The following STRN variants were observed in gnomAD, a reference collection of about 807,000 sequenced individuals.
STRN encodes the protein protein phosphatase 2 regulatory subunit B'''alpha.
A neutral mutation model predicts 96.3 loss-of-function variants in STRN; 53 were observed. The ratio of observed to expected loss-of-function variants is 0.55; its 90% CI spans 0.44 to 0.69. The LOEUF is 0.69. Ranked by LOEUF, STRN falls within the 30% of genes least tolerant of loss-of-function variation. The pLI is 0.00. For synonymous variants in STRN, 428 were observed against 355.9 expected, an observed-to-expected ratio of 1.20 and a Z score of -2.28; for missense variants, 987 against 963.9, an observed-to-expected ratio of 1.02 and a Z score of -0.32.
Position 36,843,370 on chromosome 2 carries a change from A to T in STRN, c.*6086T>A, listed in dbSNP as rs1667993140. Among the ~76,000 whole-genome samples the T allele has an allele frequency of 6.6e-6, 1 of 152,150 alleles. No individual in the cohort carries two copies. On this transcript the variant is annotated 3_prime_UTR_variant, in exon 18 of 18. Coordinates refer to ENST00000263918, the MANE Select transcript of STRN (RefSeq NM_003162.4). ...ATAATGTTGATTTGAAGGGGCAGGG[A>T]GTGTGGAAGGCTTGTGTATGTCTGT...
rs1463289560 is a variant in STRN, at chr2:36,838,348, G to T, written c.*11108C>A. Among the ~76,000 whole-genome samples the T allele has an allele frequency of 1.3e-5, 2 of 152,120 alleles. No individual in the cohort carries two copies. The highest frequency in any genetic ancestry group is 4.8e-5 in the African/African-American group (2 of 41,418). On this transcript the variant is annotated 3_prime_UTR_variant, in exon 18 of 18. Transcript: ENST00000263918. ...TGGAAGACACTTTCATTTCAGCCTT[G>T]TTGGGCCTTGAACAGACAGCCCAGT...
At position 36,923,097 on chromosome 2, in the gene STRN, G is replaced by A. The variant is rs562363000; in HGVS notation, c.338+2008C>T. 2.4e-3 allele frequency among the ~76,000 whole-genome samples: 349 copies of A among 146,374 alleles called. 2 individuals are homozygous for A. Among genetic ancestry groups the A allele is most frequent in the Non-Finnish European group, 4.0e-3 (265 of 66,736 alleles). ...GTGGAGGTTGCAGTGAGCCAAGATC[G>A]TACCACTGCACTCCAGCCTGGCAAC... is the stretch of plus-strand genomic sequence containing the variant. On this transcript the variant is annotated intron_variant, in intron 2 of 17. Coordinates refer to ENST00000263918, the MANE Select transcript of STRN (RefSeq NM_003162.4).
chr2:36,869,820 C>G, intron 10 of STRN, 91 bp from the exon 11 acceptor site: 3 of 1,084,790 alleles, frequency 2.8e-6, no homozygotes, highest in Non-Finnish European at 3.7e-6. Flanking sequence ...GCTGATGTGT[C>G]AATAAACGAT....
chr2:36,896,474 A>G (rs1019052777), intron 6 of STRN, among the ~76,000 whole-genome samples: 1 of 152,204 alleles, frequency 6.6e-6, no homozygotes, highest in African/African-American at 2.4e-5. Flanking sequence ...AATAATAAGC[A>G]TGTATTACTT....
intron 1 of STRN, among the ~76,000 whole-genome samples, chr2:36,929,443 G>A (rs1670512126): frequency 6.6e-6 from 1 of 151,970 alleles, no homozygotes; most frequent in Non-Finnish European, 1.5e-5. Context: ...GAGTGCAGTG[G>A]TGCGATTTCG....
chr2:36,889,104 A>G (rs1669319553), intron 7 of STRN, among the ~76,000 whole-genome samples: 1 of 152,104 alleles, frequency 6.6e-6, no homozygotes, highest in Admixed American at 6.6e-5. Context: ...CTGACATACT[A>G]TATCCTCTTA....
chr2:36,957,602 A>G (rs1166107212), intron 1 of STRN, among the ~76,000 whole-genome samples: 1 of 152,092 alleles, frequency 6.6e-6, no homozygotes, highest in Non-Finnish European at 1.5e-5. Flanking sequence ...AAAATAAAAA[A>G]TAAAGTGGCC....
intron 1 of STRN, among the ~76,000 whole-genome samples, chr2:36,944,372 T>A (rs934663467): frequency 1.3e-5 from 2 of 152,296 alleles, no homozygotes; most frequent in South Asian, 4.1e-4. Flanking sequence ...TTCCAAGAGT[T>A]TTCAGGATAT....
intron 16 of STRN, among the ~76,000 whole-genome samples, chr2:36,850,058 C>T (rs974940203): frequency 1.3e-4 from 20 of 152,182 alleles, no homozygotes; most frequent in African/African-American, 4.3e-4. Flanking sequence ...AATTTCTACA[C>T]GCAACCCTTA....
At chr2:36,912,230 T>C (rs969080387) in intron 3 of STRN, among the ~76,000 whole-genome samples, 1 of 152,170 alleles carries the variant, frequency 6.6e-6, no homozygotes, top group Non-Finnish European at 1.5e-5. Flanking sequence ...AAGACACACA[T>C]CACACGTGTG....
Position 36,966,442 on chromosome 2 carries a change from C to T in STRN, c.22G>A (p.Gly8Ser). Reference sequence around the variant, plus strand: ...GGGTGGTTGTTGCTGAAGAAGACGCCGGGACCCGCCTGCTCGTCCATGGCG... The same window carrying T: ...GGGTGGTTGTTGCTGAAGAAGACGCTGGGACCCGCCTGCTCGTCCATGGCG... MDEQAGP[G>S]VFFSNNHPGA... is the part of the protein sequence containing the mutation. The change falls in exon 1 of 18, where the codon GGC becomes AGC. Residue 8 changes from glycine to serine, a missense_variant. Gly to Ser is a moderately conservative substitution (Grantham distance 56). Coordinates refer to ENST00000263918, the MANE Select transcript of STRN (RefSeq NM_003162.4). 3 of 1,462,874 alleles carry T rather than the reference C, an allele frequency of 2.1e-6. No homozygotes were observed. The highest frequency in any genetic ancestry group is 1.3e-5 in the South Asian group (1 of 75,162). 90.6% of individuals were successfully genotyped at this position (1,462,874 alleles called of 1,614,324 possible).
At chr2:36,922,229 A>AT (rs1670278220) in intron 2 of STRN, among the ~76,000 whole-genome samples, 1 of 152,030 alleles carries the variant, frequency 6.6e-6, no homozygotes, top group Admixed American at 6.6e-5. Context: ...TTTAGATAAA[A>AT]TTTTTTTGGC....
chr2:36,850,984 C>A lies in STRN; in HGVS notation c.2086+16G>T. On this transcript the variant is annotated intron_variant, in intron 16 of 17. Coordinates refer to ENST00000263918, the MANE Select transcript of STRN (RefSeq NM_003162.4). ...TTTTTTGCTTTAATAAAAATCAATT[C>A]TTAATAAATTCTTACCTGTATTGTT... 6.8e-7 allele frequency: 1 copy of A among 1,471,474 alleles called. No homozygotes were observed. Among genetic ancestry groups the A allele is most frequent in the Non-Finnish European group, 9.1e-7 (1 of 1,094,042 alleles). The allele number at this position is 1,471,474 out of a possible 1,614,324, so 91.2% of individuals were successfully genotyped here. A position where few individuals can be genotyped will look rare whatever the true frequency, so the allele number is the denominator to read the frequency against.
intron 7 of STRN, among the ~76,000 whole-genome samples, chr2:36,892,464 TA>T (rs1669426059): frequency 6.6e-6 from 1 of 152,180 alleles, no homozygotes; most frequent in Non-Finnish European, 1.5e-5. Flanking sequence ...ACACTATTTA[TA>T]AATAGGGTAA....
At chr2:36,853,305 A>G (rs928286838) in intron 15 of STRN, among the ~76,000 whole-genome samples, 1 of 152,228 alleles carries the variant, frequency 6.6e-6, no homozygotes, top group Admixed American at 6.5e-5. Flanking sequence ...TACTCCATTG[A>G]GCAACACCCG....
chr2:36,937,127 T>C (rs1670720868), intron 1 of STRN, among the ~76,000 whole-genome samples: 2 of 152,216 alleles, frequency 1.3e-5, no homozygotes, highest in South Asian at 4.1e-4. Context: ...GCAGATCACC[T>C]GAGGTCGGGA....
In STRN at chr2:36,966,478, C is replaced by T; in HGVS notation, c.-15G>A. Reference sequence around the variant, plus strand: ...TGCTCGTCCATGGCGGCCGCAGATACCCGGGGAGCTGCCCCGGCGCCCAGC... The same window carrying T: ...TGCTCGTCCATGGCGGCCGCAGATATCCGGGGAGCTGCCCCGGCGCCCAGC... On this transcript the variant is annotated 5_prime_UTR_variant, in exon 1 of 18. Transcript: ENST00000263918. The T allele has an allele frequency of 7.0e-7, 1 of 1,429,218 alleles. No individual in the cohort carries two copies. Among genetic ancestry groups the T allele is most frequent in the Non-Finnish European group, 9.1e-7 (1 of 1,094,540 alleles). The allele number at this position is 1,429,218 out of a possible 1,614,324, so 88.5% of individuals were successfully genotyped here. A position where few individuals can be genotyped will look rare whatever the true frequency, so the allele number is the denominator to read the frequency against.
chr2:36,943,465 T>C (rs1034304728), intron 1 of STRN, among the ~76,000 whole-genome samples: 7 of 152,188 alleles, frequency 4.6e-5, no homozygotes, highest in South Asian at 2.1e-4. Context: ...CTAAGTATTA[T>C]ATTTATTAAA....
At chr2:36,874,008 C>T (rs1260034632) in intron 10 of STRN, among the ~76,000 whole-genome samples, 1 of 150,910 alleles carries the variant, frequency 6.6e-6, no homozygotes, top group Admixed American at 6.6e-5. Flanking sequence ...ATAATCCCAG[C>T]ACTCTGGGAG....
Sources: gnomAD v4.1 joint callset for allele counts (sites outside exome capture counted in the v4.1 genomes callset) on GRCh38, gnomAD v4.1.1 for gene constraint, MANE v1.5 for transcripts, NCBI Gene and HGNC (gene_info 2026-07-23, HGNC 2026-07-21) for gene names.